MSH3: variants seen among roughly 807,000 people sequenced by gnomAD.
The protein encoded by MSH3 is DNA mismatch repair protein Msh3.
A neutral mutation model predicts 123.3 loss-of-function variants in MSH3; 106 were observed. The observed-to-expected ratio is 0.86, with a 90% CI of 0.73 to 1.01. The LOEUF (loss-of-function observed/expected upper bound fraction) is 1.01. Among genes scored for constraint, MSH3 ranks in the 50% least tolerant of loss-of-function variants. The probability of loss-of-function intolerance (pLI) is 0.00; values close to 1 mark genes in which losing one functional copy is unlikely to be tolerated. For synonymous variants in MSH3, 515 were observed against 481.4 expected (o/e 1.07, Z -0.91); for missense variants, 1,459 against 1,347.6 (o/e 1.08, Z -1.29).
chr5:80,788,553 G>A (rs772976179), intron 18 of MSH3, among the ~76,000 whole-genome samples: 1 of 151,074 alleles, frequency 6.6e-6, no homozygotes, highest in Non-Finnish European at 1.5e-5. Flanking sequence ...GCTCATGCCT[G>A]TAATCCCAGC....
At chr5:80,655,462 C>G (rs147732637) in intron 1 of MSH3, 1 of 211,350 alleles carries the variant, frequency 4.7e-6, no homozygotes, top group Non-Finnish European at 9.6e-6. Flanking sequence ...CCAGTGAACT[C>G]TTTTTGTAGT....
intron 8 of MSH3, among the ~76,000 whole-genome samples, chr5:80,703,127 A>G (rs1042936611): frequency 1.3e-5 from 2 of 152,208 alleles, no homozygotes; most frequent in African/African-American, 4.8e-5. Flanking sequence ...GGTGATTACA[A>G]TTATTATTTA....
At chr5:80,657,457 A>C (rs1265192633) in intron 2 of MSH3, among the ~76,000 whole-genome samples, 17 of 152,176 alleles carry the variant, frequency 1.1e-4, no homozygotes, top group Non-Finnish European at 5.9e-5. Flanking sequence ...AAAAACAAAC[A>C]AAAAACAGCA....
intron 20 of MSH3, among the ~76,000 whole-genome samples, chr5:80,853,713 G>A (rs1745868205): frequency 6.6e-6 from 1 of 152,038 alleles, no homozygotes; most frequent in Non-Finnish European, 1.5e-5. Context: ...TGTAATATCA[G>A]TATGGAATCT....
rs189065055 is a variant in MSH3, at chr5:80,695,156, T to G, written c.1340+16063T>G. Among the ~76,000 whole-genome samples, 730 of 151,412 alleles carry G rather than the reference T, an allele frequency of 4.8e-3. 10 individuals carry two copies. The highest frequency in any genetic ancestry group is 0.016 in the African/African-American group (651 of 41,364). Reference sequence around the variant, plus strand: ...ATCACAAGAATGTTAGATCTTTTGTTATAGTCCCTGGGGCTCTATTCATTT... The same window carrying G: ...ATCACAAGAATGTTAGATCTTTTGTGATAGTCCCTGGGGCTCTATTCATTT... On this transcript the variant is annotated intron_variant, in intron 8 of 23. Transcript: ENST00000265081.
At chr5:80,843,982 T>C (rs931752295) in intron 20 of MSH3, among the ~76,000 whole-genome samples, 6 of 151,886 alleles carry the variant, frequency 4.0e-5, no homozygotes, top group Admixed American at 6.6e-5. Flanking sequence ...TTCTTTTAAT[T>C]GTGATGTTAA....
rs6151853 is a variant in MSH3 at position 80,793,612 on chromosome 5, A to G, written c.2655+768A>G. Among the ~76,000 whole-genome samples, 990 of 152,276 alleles carry G rather than the reference A, an allele frequency of 6.5e-3. 14 individuals are homozygous for G. Among genetic ancestry groups the G allele is most frequent in the African/African-American group, 0.023 (950 of 41,538 alleles). ...GGTATTGAAGGGGAGTATTCCAGGT[A>G]GAAGAACCAGCATGGCAGATATTGG... On this transcript the variant is annotated intron_variant, in intron 19 of 23. Coordinates refer to ENST00000265081, the MANE Select transcript of MSH3 (RefSeq NM_002439.5).
At chr5:80,730,342 A>G (rs141006891) in intron 10 of MSH3, among the ~76,000 whole-genome samples, 29 of 152,306 alleles carry the variant, frequency 1.9e-4, no homozygotes, top group Non-Finnish European at 3.8e-4. Flanking sequence ...TTAAGAATAT[A>G]TATGTAGTTA....
chr5:80,848,705 G>GC (rs1745768606), intron 20 of MSH3, among the ~76,000 whole-genome samples: 1 of 152,152 alleles, frequency 6.6e-6, no homozygotes, highest in African/African-American at 2.4e-5. Flanking sequence ...GGAAAGACAT[G>GC]CCCCCATAAT....
At chr5:80,771,509 C>G (rs935251033) in intron 15 of MSH3, among the ~76,000 whole-genome samples, 1 of 151,020 alleles carries the variant, frequency 6.6e-6, no homozygotes, top group African/African-American at 2.4e-5. Context: ...ATGCTATTCT[C>G]AAATTATTTA....
chr5:80,797,278 T>A (rs997353336), intron 19 of MSH3, among the ~76,000 whole-genome samples: 1 of 152,196 alleles, frequency 6.6e-6, no homozygotes, highest in African/African-American at 2.4e-5. Context: ...CCCAGTGGAC[T>A]GTAAGCATGA....
In MSH3 at chr5:80,730,908, CT is replaced by C. The variant is rs1277889418; in HGVS notation, c.1568+1956del. Among the ~76,000 whole-genome samples the C allele has an allele frequency of 4.6e-3, 472 of 102,602 alleles. 3 individuals are homozygous for C. The highest frequency in any genetic ancestry group is 0.016 in the African/African-American group (415 of 26,214). 67.3% of individuals were successfully genotyped at this position (102,602 alleles called of 152,430 possible). A position where few individuals can be genotyped will look rare whatever the true frequency, so the allele number is the denominator to read the frequency against. ...TATATATATATATTTTTTTTTTTTT[CT>C]TTTTTTTTTTTTAGATGGAGTCTTG... is the stretch of plus-strand genomic sequence containing the variant. On this transcript the variant is annotated intron_variant, in intron 10 of 23. Coordinates refer to ENST00000265081, the MANE Select transcript of MSH3 (RefSeq NM_002439.5).
intron 8 of MSH3, among the ~76,000 whole-genome samples, chr5:80,724,891 A>G (rs1294197770): frequency 1.3e-5 from 2 of 152,174 alleles, no homozygotes; most frequent in Non-Finnish European, 2.9e-5. Context: ...AATACTCACA[A>G]TGTGCTAGGT....
chr5:80,858,364 A>G (rs1010611876), intron 21 of MSH3, among the ~76,000 whole-genome samples: 6 of 152,128 alleles, frequency 3.9e-5, no homozygotes, highest in African/African-American at 1.4e-4. Context: ...ATTTTCTTCT[A>G]TGCACTGCTT....
At chr5:80,705,978 G>A (rs1387710611) in intron 8 of MSH3, among the ~76,000 whole-genome samples, 2 of 152,248 alleles carry the variant, frequency 1.3e-5, no homozygotes, top group South Asian at 2.1e-4. Context: ...AACATAGGGC[G>A]AGGACATTCT....
At chr5:80,744,381 A>G (rs1344589152) in intron 11 of MSH3, 125 bp from the exon 12 acceptor site, 12 of 688,974 alleles carry the variant, frequency 1.7e-5, no homozygotes, top group Non-Finnish European at 2.6e-6. Context: ...CAAACATTAA[A>G]TGAACACCTG....
In MSH3 at chr5:80,674,978, A is replaced by T. The variant is rs774961818; in HGVS notation, c.1028-5A>T. 8 of 1,584,398 alleles carry T rather than the reference A, an allele frequency of 5.0e-6. No individual in the cohort carries two copies. The highest frequency in any genetic ancestry group is 6.9e-6 in the Non-Finnish European group (8 of 1,157,316). ...ATATAATTATTTTTCTTTAATTATT[A>T]TTAAATGTGAATCCCCTAATCAAGC... On this transcript the variant is annotated splice_polypyrimidine_tract_variant and splice_region_variant and intron_variant, in intron 6 of 23. Coordinates refer to ENST00000265081, the MANE Select transcript of MSH3 (RefSeq NM_002439.5).
In MSH3 at chr5:80,670,278, A is replaced by T. The variant is rs1580550385; in HGVS notation, c.761A>T (p.Tyr254Phe). The change falls in exon 4 of 24, where the codon TAT (tyrosine) becomes TTT (phenylalanine). Residue 254 changes from tyrosine to phenylalanine, a missense_variant. By Grantham distance (22) the Tyr-to-Phe change is conservative. Transcript: ENST00000265081. ...KDAVLCVECG[Y>F]KYRFFGEDAE... ...GCAGTTTTGTGTGTGGAATGTGGAT[A>T]TAAGTATAGATTCTTTGGGGAAGAT... is the stretch of plus-strand genomic sequence containing the variant. 6.2e-7 allele frequency: 1 copy of T among 1,614,166 alleles called. No homozygotes were observed. The highest frequency in any genetic ancestry group is 8.5e-7 in the Non-Finnish European group (1 of 1,180,022).
chr5:80,793,231 G>GCAGATT (rs1426112423), intron 19 of MSH3, among the ~76,000 whole-genome samples: 1 of 152,208 alleles, frequency 6.6e-6, no homozygotes, highest in Non-Finnish European at 1.5e-5. Flanking sequence ...AGATGCCTTT[G>GCAGATT]CAGATTCCAG....
Sources: allele counts gnomAD v4.1 joint callset (sites outside exome capture counted in the v4.1 genomes callset), GRCh38; gene constraint gnomAD v4.1.1; transcripts MANE v1.5; gene names NCBI Gene and HGNC (gene_info 2026-07-23, HGNC 2026-07-21).